The following CELF4 variants were observed in gnomAD, a reference collection of about 807,000 sequenced individuals.
The protein encoded by CELF4 is CUG-BP- and ETR-3-like factor 4.
A neutral mutation model predicts 59.9 loss-of-function variants in CELF4; 18 were observed. The observed-to-expected ratio is 0.30, with a 90% CI of 0.21 to 0.45. The LOEUF (loss-of-function observed/expected upper bound fraction) is 0.45. Among genes scored for constraint, CELF4 ranks in the 20% least tolerant of loss-of-function variants. The pLI is 1.00. For synonymous variants in CELF4, 261 were observed against 267.1 expected, an observed-to-expected ratio of 0.98 and a Z score of 0.22; for missense variants, 456 against 689.0, an observed-to-expected ratio of 0.66 and a Z score of 3.79.
At chr18:37,325,688 G>A (rs2154526575) in intron 2 of CELF4, among the ~76,000 whole-genome samples, 1 of 152,344 alleles carries the variant, frequency 6.6e-6, no homozygotes, top group African/African-American at 2.4e-5. Context: ...TCTGACAGCA[G>A]GGACATGGAG....
rs1316942528 is a variant in CELF4 at position 37,264,772 on chromosome 18, C to T, written c.1166-15G>A. ...GTAGGCAGCTGCTGGAGGCCCAAGACAAGAAGCAAGAGCCGGCGACAAGGC... is the reference window on the plus strand; with the variant it reads ...GTAGGCAGCTGCTGGAGGCCCAAGATAAGAAGCAAGAGCCGGCGACAAGGC... On this transcript the variant is annotated splice_polypyrimidine_tract_variant and intron_variant, in intron 9 of 12. Coordinates refer to ENST00000420428, the MANE Select transcript of CELF4 (RefSeq NM_020180.4). The T allele has an allele frequency of 2.6e-6, 4 of 1,558,492 alleles. No individual in the cohort carries two copies. In the East Asian group the frequency reaches 9.5e-5, roughly 37 times the overall value.
At chr18:37,308,714 C>CCAGT (rs1381179750) in intron 3 of CELF4, among the ~76,000 whole-genome samples, 1 of 152,208 alleles carries the variant, frequency 6.6e-6, no homozygotes, top group Non-Finnish European at 1.5e-5. Flanking sequence ...GACATCTAGG[C>CCAGT]CAGTCACCCA....
rs184907084 is a variant in CELF4, at chr18:37,460,889, T to C, written c.369+24636A>G. Among the ~76,000 whole-genome samples, 164 of 152,300 alleles carry C rather than the reference T, an allele frequency of 1.1e-3. 1 individual carries two copies. Among genetic ancestry groups the C allele is most frequent in the Admixed American group, 1.8e-3 (28 of 15,296 alleles). ...TGATTGGATGTGGGAGGTGGGTCTC[T>C]TAAGGTTTGCTATGGGAAAGGAAAA... On this transcript the variant is annotated intron_variant, in intron 2 of 12. Transcript: ENST00000420428.
chr18:37,399,152 T>C (rs2099285937), intron 2 of CELF4, among the ~76,000 whole-genome samples: 3 of 151,988 alleles, frequency 2.0e-5, no homozygotes, highest in Non-Finnish European at 2.9e-5. Context: ...GTGGTTTGAA[T>C]GTTTGTCCCC....
chr18:37,445,565 G>A (rs899714092), intron 2 of CELF4, among the ~76,000 whole-genome samples: 59 of 152,068 alleles, frequency 3.9e-4, no homozygotes, highest in African/African-American at 1.4e-3. Flanking sequence ...TGATTAAGAT[G>A]ATTAAGCAGA....
intron 1 of CELF4, among the ~76,000 whole-genome samples, chr18:37,494,066 T>C (rs1193096475): frequency 6.6e-6 from 1 of 152,180 alleles, no homozygotes; most frequent in Non-Finnish European, 1.5e-5. Flanking sequence ...CTTGCTGAGC[T>C]CAGGGCAGCG....
chr18:37,269,153 C>A (rs2089889114), intron 8 of CELF4, among the ~76,000 whole-genome samples: 1 of 152,058 alleles, frequency 6.6e-6, no homozygotes, highest in Admixed American at 6.5e-5. Flanking sequence ...ATCTCTTCCA[C>A]CCCCAGCTTG....
At chr18:37,362,672 GCTGCC>G (rs36203184) in intron 2 of CELF4, among the ~76,000 whole-genome samples, 128,946 of 151,444 alleles carry the variant, frequency 0.85, 55,063 homozygotes, top group East Asian at 0.92. Flanking sequence ...GCACCCGCTG[GCTGCC>G]CTGCCCTGCC....
intron 2 of CELF4, among the ~76,000 whole-genome samples, chr18:37,352,873 G>T (rs1321487089): frequency 1.3e-5 from 2 of 152,108 alleles, no homozygotes; most frequent in East Asian, 3.9e-4. Context: ...AGTGGGACGG[G>T]GTGGAACAGC....
intron 3 of CELF4, among the ~76,000 whole-genome samples, chr18:37,284,009 T>A (rs55771934): frequency 2.3e-4 from 10 of 43,016 alleles, no homozygotes; most frequent in East Asian, 9.5e-4. Context: ...ACCCAACCAC[T>A]CAACATGCAC....
At chr18:37,499,266 G>A (rs1191389616) in intron 1 of CELF4, among the ~76,000 whole-genome samples, 4 of 152,216 alleles carry the variant, frequency 2.6e-5, no homozygotes, top group African/African-American at 9.6e-5. Context: ...AGGCGGTAAT[G>A]AGCTGGCAGG....
intron 12 of CELF4, among the ~76,000 whole-genome samples, chr18:37,249,797 C>T (rs1243008182): frequency 6.6e-6 from 1 of 152,120 alleles, no homozygotes; most frequent in Non-Finnish European, 1.5e-5. Context: ...TATGGCCAAG[C>T]TGAACCAATT....
chr18:37,308,025 G>A (rs579594), intron 3 of CELF4, among the ~76,000 whole-genome samples: 4,866 of 152,138 alleles, frequency 0.032, 189 homozygotes, highest in East Asian at 0.092. Context: ...TCCTGGGCAG[G>A]GCAGGGATGG....
At chr18:37,333,577 C>T (rs574643865) in intron 2 of CELF4, among the ~76,000 whole-genome samples, 59 of 152,222 alleles carry the variant, frequency 3.9e-4, no homozygotes, top group Middle Eastern at 6.8e-3. Flanking sequence ...AGGGAGGCCA[C>T]GCCTCATGGA....
chr18:37,251,867 A>G (rs2065737886), intron 12 of CELF4, among the ~76,000 whole-genome samples: 1 of 152,194 alleles, frequency 6.6e-6, no homozygotes, highest in Non-Finnish European at 1.5e-5. Flanking sequence ...AAGGTGCCCA[A>G]ACTCTGAATA....
At chr18:37,523,939 T>A (rs1347914396) in intron 1 of CELF4, among the ~76,000 whole-genome samples, 1 of 152,204 alleles carries the variant, frequency 6.6e-6, no homozygotes, top group Non-Finnish European at 1.5e-5. Context: ...GCCCTTTGCA[T>A]GTCACTACCA....
At chr18:37,522,110 G>A (rs1304366273) in intron 1 of CELF4, among the ~76,000 whole-genome samples, 1 of 149,764 alleles carries the variant, frequency 6.7e-6, no homozygotes, top group African/African-American at 2.6e-5. Context: ...GTGGACATGC[G>A]AAGGTTGAAT....
At chr18:37,497,872 A>G (rs1250691789) in intron 1 of CELF4, among the ~76,000 whole-genome samples, 1 of 152,160 alleles carries the variant, frequency 6.6e-6, no homozygotes, top group Non-Finnish European at 1.5e-5. Flanking sequence ...TATAAAATAG[A>G]CTTATCATCC....
At chr18:37,393,371 G>A (rs1408699734) in intron 2 of CELF4, among the ~76,000 whole-genome samples, 8 of 152,220 alleles carry the variant, frequency 5.3e-5, no homozygotes, top group East Asian at 3.9e-4. Context: ...TCATTCATTC[G>A]TTGTTCTCCA....
Sources: allele counts gnomAD v4.1 joint callset (sites outside exome capture counted in the v4.1 genomes callset), GRCh38; gene constraint gnomAD v4.1.1; transcripts MANE v1.5; gene names NCBI Gene and HGNC (gene_info 2026-07-23, HGNC 2026-07-21).